The following DNAJC10 variants were observed in gnomAD, a reference collection of about 807,000 sequenced individuals.
The protein encoded by DNAJC10 is DnaJ heat shock protein family (Hsp40) member C10.
Under a neutral mutation model 115.0 loss-of-function variants are expected in DNAJC10, and 101 were observed. The ratio of observed to expected loss-of-function variants is 0.88; its 90% CI spans 0.75 to 1.04. The LOEUF (loss-of-function observed/expected upper bound fraction) is 1.04. Ranked by LOEUF, DNAJC10 falls within the 50% of genes least tolerant of loss-of-function variation. DNAJC10 has a pLI of 0.00. For synonymous variants in DNAJC10, 307 were observed against 301.5 expected, an observed-to-expected ratio of 1.02 and a Z score of -0.19; for missense variants, 981 against 928.8, an observed-to-expected ratio of 1.06 and a Z score of -0.73.
At chr2:182,739,302 AT>A (rs1389097684) in intron 11 of DNAJC10, among the ~76,000 whole-genome samples, 3 of 149,524 alleles carry the variant, frequency 2.0e-5, no homozygotes, top group Middle Eastern at 3.5e-3. Context: ...AAAAACCTGA[AT>A]TTTTATTCTT....
At position 182,781,351 on chromosome 2, in the gene DNAJC10, T is replaced by A. The variant is rs1032312636; in HGVS notation, c.*4219T>A. 7 of 152,226 alleles carry A rather than the reference T, an allele frequency of 4.6e-5. No homozygotes were observed. Among genetic ancestry groups the A allele is most frequent in the African/African-American group, 1.7e-4 (7 of 41,454 alleles). 9.4% of individuals were successfully genotyped at this position (152,226 alleles called of 1,614,324 possible). A position where few individuals can be genotyped will look rare whatever the true frequency, so the allele number is the denominator to read the frequency against. On this transcript the variant is annotated 3_prime_UTR_variant, in exon 24 of 24. Coordinates refer to ENST00000264065, the MANE Select transcript of DNAJC10 (RefSeq NM_018981.4). ...TGGTGTGTTTGTGCCCGTTTCTTTA[T>A]CCAGTCTAACATTGATGGGCATTTT...
rs1021945713 is a variant in DNAJC10 at position 182,793,037 on chromosome 2, G to A, written c.*15905G>A. On this transcript the variant is annotated 3_prime_UTR_variant, in exon 24 of 24. Transcript: ENST00000264065. ...GTGGGGGCAGCAGCAGGAGAGTTTCGGTATTAAATAGGGTGGACAGGGCAG... is the reference window on the plus strand; with the variant it reads ...GTGGGGGCAGCAGCAGGAGAGTTTCAGTATTAAATAGGGTGGACAGGGCAG... The A allele has an allele frequency of 5.9e-5, 9 of 152,352 alleles. No homozygotes were observed. The highest frequency in any genetic ancestry group is 1.9e-4 in the East Asian group (1 of 5,182). The allele number at this position is 152,352 out of a possible 1,614,324, so 9.4% of individuals were successfully genotyped here.
intron 22 of DNAJC10, among the ~76,000 whole-genome samples, chr2:182,769,160 CT>C (rs1256819063): frequency 5.9e-5 from 9 of 152,196 alleles, no homozygotes; most frequent in Non-Finnish European, 1.2e-4. Flanking sequence ...TGAACGCATC[CT>C]TTTTTATGGC....
intron 13 of DNAJC10, 67 bp from the exon 14 acceptor site, chr2:182,743,531 C>A: frequency 8.5e-7 from 1 of 1,175,600 alleles, no homozygotes; most frequent in Non-Finnish European, 1.3e-6. Context: ...TTTGGATTAT[C>A]ATGAATATTT....
intron 21 of DNAJC10, among the ~76,000 whole-genome samples, chr2:182,761,417 CT>C (rs1466998937): frequency 2.0e-5 from 3 of 152,106 alleles, no homozygotes; most frequent in African/African-American, 7.2e-5. Flanking sequence ...TGCCTACATG[CT>C]TGTGCCCTAA....
chr2:182,755,431 A>C (rs1574945980), intron 17 of DNAJC10, among the ~76,000 whole-genome samples: 3 of 143,152 alleles, frequency 2.1e-5, no homozygotes, highest in South Asian at 4.3e-4. Flanking sequence ...TGGCATCTAC[A>C]GCATCTTTTT....
intron 19 of DNAJC10, 40 bp downstream of exon 19, chr2:182,757,865 A>G: frequency 1.7e-6 from 2 of 1,198,954 alleles, no homozygotes; most frequent in Non-Finnish European, 1.2e-6. Context: ...TATTATAATT[A>G]TTTAATTATA....
intron 22 of DNAJC10, among the ~76,000 whole-genome samples, chr2:182,763,244 G>A (rs979770125): frequency 6.6e-6 from 1 of 152,058 alleles, no homozygotes; most frequent in Non-Finnish European, 1.5e-5. Flanking sequence ...TCAAAGTAAT[G>A]AGCTTCCTTT....
Position 182,780,465 on chromosome 2 carries a change from C to G in DNAJC10, c.*3333C>G, listed in dbSNP as rs1694820106. 1 of 152,224 alleles carries G rather than the reference C, an allele frequency of 6.6e-6. No individual in the cohort carries two copies. Among genetic ancestry groups the G allele is most frequent in the Non-Finnish European group, 1.5e-5 (1 of 68,066 alleles). 9.4% of individuals were successfully genotyped at this position (152,224 alleles called of 1,614,324 possible). On this transcript the variant is annotated 3_prime_UTR_variant, in exon 24 of 24. Coordinates refer to ENST00000264065, the MANE Select transcript of DNAJC10 (RefSeq NM_018981.4). ...CCCTGAGACCTCACCAGAAGCTGAG[C>G]AGATGCTGGTGCCATGTTTTTACAG... is the stretch of plus-strand genomic sequence containing the variant.
At chr2:182,757,240 G>A (rs1329987617) in intron 18 of DNAJC10, among the ~76,000 whole-genome samples, 1 of 152,126 alleles carries the variant, frequency 6.6e-6, no homozygotes, top group Non-Finnish European at 1.5e-5. Context: ...CTAAATCTGA[G>A]TTAAAGTGAT....
intron 13 of DNAJC10, among the ~76,000 whole-genome samples, chr2:182,742,842 GT>G (rs937209952): frequency 1.4e-5 from 2 of 147,842 alleles, no homozygotes; most frequent in African/African-American, 5.0e-5. Flanking sequence ...CTTTTTCTTT[GT>G]TTTTTTTTCT....
chr2:182,724,323 A>T (rs1272722924), intron 5 of DNAJC10, among the ~76,000 whole-genome samples: 1 of 152,238 alleles, frequency 6.6e-6, no homozygotes, highest in Non-Finnish European at 1.5e-5. Flanking sequence ...TTTTATCTGT[A>T]AAATGACCTG....
chr2:182,728,442 A>G lies in DNAJC10; in HGVS notation c.419-134A>G, dbSNP rs1574921522. 12 of 568,992 alleles carry G rather than the reference A, an allele frequency of 2.1e-5. No homozygotes were observed. In the East Asian group the frequency reaches 3.6e-4, roughly 17 times the overall value. The allele number at this position is 568,992 out of a possible 1,614,324, so 35.2% of individuals were successfully genotyped here. A position where few individuals can be genotyped will look rare whatever the true frequency, so the allele number is the denominator to read the frequency against. Reference sequence around the variant, plus strand: ...TGTAGAAGATATAGAAAAACATCACACAGAAAATGAGAAAGACAATATGAA... The same window carrying G: ...TGTAGAAGATATAGAAAAACATCACGCAGAAAATGAGAAAGACAATATGAA... On this transcript the variant is annotated intron_variant, in intron 5 of 23. Transcript: ENST00000264065.
intron 8 of DNAJC10, chr2:182,730,492 T>G (rs1458790154): frequency 2.3e-6 from 1 of 431,214 alleles, no homozygotes; most frequent in East Asian, 7.3e-5. Flanking sequence ...GAGGAAAACA[T>G]TAGTAAACAA....
Position 182,785,623 on chromosome 2 carries a change from A to G in DNAJC10, c.*8491A>G, listed in dbSNP as rs939605022. 2.6e-5 allele frequency: 4 copies of G among 152,260 alleles called. No individual in the cohort carries two copies. The highest frequency in any genetic ancestry group is 3.4e-3 in the Middle Eastern group (1 of 294). 9.4% of individuals were successfully genotyped at this position (152,260 alleles called of 1,614,324 possible). On this transcript the variant is annotated 3_prime_UTR_variant, in exon 24 of 24. Transcript: ENST00000264065. ...GAATGTGGGAAATTTTGTAGGACAA[A>G]TGGTATGATTTCTTTAATGAAAAAG... is the stretch of plus-strand genomic sequence containing the variant.
At position 182,736,265 on chromosome 2, in the gene DNAJC10, T is replaced by C; in HGVS notation, c.866T>C (p.Val289Ala). The C allele has an allele frequency of 6.4e-7, 1 of 1,573,680 alleles. No individual in the cohort carries two copies. Among genetic ancestry groups the C allele is most frequent in the Non-Finnish European group, 8.6e-7 (1 of 1,166,320 alleles). The change falls in exon 11 of 24, where the codon GTA (valine) becomes GCA (alanine). Residue 289 changes from valine (V) to alanine (A), a missense_variant. Val to Ala is a moderately conservative substitution (Grantham distance 64). Coordinates refer to ENST00000264065, the MANE Select transcript of DNAJC10 (RefSeq NM_018981.4). ...CCATTTTAGGATGGTCTTGTTAATG[T>C]AGGATGGATGGACTGTGCCACCCAG... The part of the protein sequence containing the change: ...LSGMLDGLVN[V>A]GWMDCATQDN...
chr2:182,775,999 A>T (rs1018941610), intron 23 of DNAJC10, among the ~76,000 whole-genome samples: 1 of 152,174 alleles, frequency 6.6e-6, no homozygotes. Context: ...GGTAGTAAGG[A>T]GTTTATTTTG....
chr2:182,789,056 TTTTA>T lies in DNAJC10; in HGVS notation c.*11929_*11932del. ...ATTTTATATCCATAAAGCAAAACCT[TTTTA>T]TTTACCAATGCTGCTAGACCCTGAC... On this transcript the variant is annotated 3_prime_UTR_variant, in exon 24 of 24. Transcript: ENST00000264065. 3.8e-6 allele frequency: 1 copy of T among 262,662 alleles called. No individual in the cohort carries two copies. The highest frequency in any genetic ancestry group is 3.9e-5 in the South Asian group (1 of 25,370). The allele number at this position is 262,662 out of a possible 1,614,324, so 16.3% of individuals were successfully genotyped here.
In DNAJC10 at chr2:182,786,197, C is replaced by G. The variant is rs1207782720; in HGVS notation, c.*9065C>G. ...GAAATTTATACAGAACCCCAAATGA[C>G]AAGTGTATAATCAACTGCCAGGAAA... is the stretch of plus-strand genomic sequence containing the variant. On this transcript the variant is annotated 3_prime_UTR_variant, in exon 24 of 24. Coordinates refer to ENST00000264065, the MANE Select transcript of DNAJC10 (RefSeq NM_018981.4). The G allele has an allele frequency of 6.6e-6, 1 of 152,066 alleles. No homozygotes were observed. Among genetic ancestry groups the G allele is most frequent in the African/African-American group, 2.4e-5 (1 of 41,400 alleles). 9.4% of individuals were successfully genotyped at this position (152,066 alleles called of 1,614,324 possible).
Sources: gnomAD v4.1 joint callset for allele counts (sites outside exome capture counted in the v4.1 genomes callset) on GRCh38, gnomAD v4.1.1 for gene constraint, MANE v1.5 for transcripts, NCBI Gene and HGNC (gene_info 2026-07-23, HGNC 2026-07-21) for gene names.